Variants in TBC1D14 observed in about 807,000 individuals in gnomAD.
The protein encoded by TBC1D14 is TBC1 domain family, member 14.
A neutral mutation model predicts 79.0 loss-of-function variants in TBC1D14; 26 were observed. That is an observed-to-expected ratio of 0.33 (90% confidence interval 0.24 to 0.46). TBC1D14 has a LOEUF of 0.46. Ranked by LOEUF, TBC1D14 falls within the 20% of genes least tolerant of loss-of-function variation. The pLI, the probability that TBC1D14 is intolerant of heterozygous loss-of-function variation, is 1.00. For missense variants in TBC1D14, 769 were observed against 887.6 expected (o/e 0.87, Z 1.70); for synonymous variants, 394 against 349.9 (o/e 1.13, Z -1.40).
In TBC1D14 at chr4:6,945,703, C is replaced by T. The variant is rs1442705058; in HGVS notation, c.722+21592C>T. Among the ~76,000 whole-genome samples the T allele has an allele frequency of 3.9e-5, 5 of 127,546 alleles. No individual in the cohort carries two copies. In the East Asian group the frequency reaches 7.4e-4, roughly 19 times the overall value. 83.7% of individuals were successfully genotyped at this position (127,546 alleles called of 152,430 possible). On this transcript the variant is annotated intron_variant, in intron 2 of 13. Coordinates refer to ENST00000409757, the MANE Select transcript of TBC1D14 (RefSeq NM_020773.3). The stretch of plus-strand genomic sequence containing the variant: ...GGCGGAGGTTGCGGTGAGCCGAGAT[C>T]GCGCCATTGCGCTCCAGCCTGGGCA...
intron 5 of TBC1D14, among the ~76,000 whole-genome samples, chr4:6,996,661 G>T (rs955567316): frequency 1.3e-5 from 2 of 152,230 alleles, no homozygotes; most frequent in Non-Finnish European, 1.5e-5. Flanking sequence ...CGGTGAGACC[G>T]CAGGGTTTGC....
chr4:6,954,107 C>A, intron 2 of TBC1D14: 1 of 592,364 alleles, frequency 1.7e-6, no homozygotes. Flanking sequence ...CTGGGGAGGC[C>A]CGCCCTGCCG....
At chr4:7,020,247 T>A (rs1463914325) in intron 12 of TBC1D14, among the ~76,000 whole-genome samples, 1 of 152,220 alleles carries the variant, frequency 6.6e-6, no homozygotes, top group African/African-American at 2.4e-5. Flanking sequence ...GCTTTCAGAA[T>A]CAAGGTGAGC....
chr4:6,949,195 C>T (rs952388210), intron 2 of TBC1D14, among the ~76,000 whole-genome samples: 16 of 151,814 alleles, frequency 1.1e-4, no homozygotes, highest in Non-Finnish European at 2.2e-4. Context: ...CTGGGCGCAG[C>T]GGCTCACGCC....
At chr4:6,925,822 C>T (rs985556348) in intron 2 of TBC1D14, among the ~76,000 whole-genome samples, 2 of 152,136 alleles carry the variant, frequency 1.3e-5, no homozygotes, top group Non-Finnish European at 2.9e-5. Flanking sequence ...CGAGTGTGTT[C>T]AACTGTCCCT....
At chr4:6,911,015 G>A (rs574691607) in intron 1 of TBC1D14, among the ~76,000 whole-genome samples, 49 of 152,136 alleles carry the variant, frequency 3.2e-4, no homozygotes, top group Non-Finnish European at 5.9e-4. Flanking sequence ...GTCTTGCCTA[G>A]CTTTTATAGC....
Position 6,923,478 on chromosome 4 carries a change from T to G in TBC1D14, c.89T>G (p.Leu30Arg). 1 of 1,614,186 alleles carries G rather than the reference T, an allele frequency of 6.2e-7. No individual in the cohort carries two copies. Among genetic ancestry groups the G allele is most frequent in the Non-Finnish European group, 8.5e-7 (1 of 1,180,036 alleles). Residue 30 changes from leucine (L) to arginine (R), a missense_variant, in exon 2 of 14, where the codon CTG becomes CGG. Physicochemically the swap from Leu to Arg is moderately radical, Grantham distance 102. Transcript: ENST00000409757. ...DGRPGNPLQN[L>R]QHVNLKAPRL... ...CGACCAGGAAACCCCCTTCAGAACC[T>G]GCAACACGTCAATCTCAAGGCGCCC...
chr4:7,005,187 G>A (rs28655367), intron 8 of TBC1D14, among the ~76,000 whole-genome samples: 9,982 of 152,070 alleles, frequency 0.066, 751 homozygotes, highest in African/African-American at 0.19. Flanking sequence ...ATCACCTGAG[G>A]TCAGGAGTTT....
chr4:6,980,570 G>C (rs898572903), intron 3 of TBC1D14, among the ~76,000 whole-genome samples: 1 of 152,098 alleles, frequency 6.6e-6, no homozygotes, highest in African/African-American at 2.4e-5. Context: ...ATGATAGACC[G>C]AAAGCTGGGG....
At chr4:7,015,475 C>A (rs1721188995) in intron 12 of TBC1D14, among the ~76,000 whole-genome samples, 1 of 152,146 alleles carries the variant, frequency 6.6e-6, no homozygotes. Context: ...TTTGAGGTGC[C>A]TGCGGGACAT....
At chr4:6,959,686 A>G (rs1327479747) in intron 2 of TBC1D14, among the ~76,000 whole-genome samples, 1 of 152,214 alleles carries the variant, frequency 6.6e-6, no homozygotes, top group African/African-American at 2.4e-5. Flanking sequence ...GATTGTACTT[A>G]GACTGTGGAA....
intron 3 of TBC1D14, among the ~76,000 whole-genome samples, chr4:6,974,044 G>A (rs1026708606): frequency 1.3e-5 from 2 of 151,984 alleles, no homozygotes; most frequent in Non-Finnish European, 2.9e-5. Context: ...GGCTGGTCTC[G>A]AACTCCTGAC....
chr4:6,997,904 G>C (rs1234871646), intron 5 of TBC1D14, among the ~76,000 whole-genome samples: 1 of 152,204 alleles, frequency 6.6e-6, no homozygotes, highest in East Asian at 1.9e-4. Flanking sequence ...GGGGCAGTTT[G>C]ATTTGGGAAA....
intron 2 of TBC1D14, among the ~76,000 whole-genome samples, chr4:6,956,588 G>C (rs1714663718): frequency 6.6e-6 from 1 of 152,188 alleles, no homozygotes; most frequent in African/African-American, 2.4e-5. Context: ...AAGGTGGCAT[G>C]ATCTCTAATT....
intron 13 of TBC1D14, among the ~76,000 whole-genome samples, chr4:7,027,956 CA>C (rs1194392444): frequency 6.9e-6 from 1 of 144,172 alleles, no homozygotes; most frequent in African/African-American, 2.6e-5. Flanking sequence ...GATCACCCCC[CA>C]CACACACATT....
chr4:6,993,992 A>G (rs570770725), intron 3 of TBC1D14, among the ~76,000 whole-genome samples, 192 bp from the exon 4 acceptor site: 3 of 152,346 alleles, frequency 2.0e-5, no homozygotes, highest in African/African-American at 7.2e-5. Flanking sequence ...CCTGGGCGAC[A>G]GAGCGAGACT....
chr4:6,935,966 A>G (rs1712283621), intron 2 of TBC1D14, among the ~76,000 whole-genome samples: 1 of 152,192 alleles, frequency 6.6e-6, no homozygotes, highest in East Asian at 1.9e-4. Flanking sequence ...TTTAATTTCA[A>G]CATATTTACT....
At chr4:6,985,533 C>A (rs1468064927) in intron 3 of TBC1D14, among the ~76,000 whole-genome samples, 14 of 151,942 alleles carry the variant, frequency 9.2e-5, no homozygotes, top group African/African-American at 3.4e-4. Context: ...TGCGTAAAAC[C>A]CAAAAAGAAC....
intron 2 of TBC1D14, among the ~76,000 whole-genome samples, chr4:6,956,333 CT>C (rs1309731876): frequency 6.6e-6 from 1 of 152,190 alleles, no homozygotes; most frequent in Non-Finnish European, 1.5e-5. Context: ...TCCTGAGCAG[CT>C]CTGGCTCACT....
Sources: gnomAD v4.1 joint callset for allele counts (sites outside exome capture counted in the v4.1 genomes callset) on GRCh38, gnomAD v4.1.1 for gene constraint, MANE v1.5 for transcripts, NCBI Gene and HGNC (gene_info 2026-07-23, HGNC 2026-07-21) for gene names.